TRIM37: variants seen among roughly 807,000 people sequenced by gnomAD.
TRIM37 encodes E3 ubiquitin-protein ligase TRIM37.
A neutral mutation model predicts 129.8 loss-of-function variants in TRIM37; 80 were observed. The ratio of observed to expected loss-of-function variants is 0.62; its 90% CI spans 0.51 to 0.74. TRIM37 has a LOEUF of 0.74. Ranked by LOEUF, TRIM37 falls within the 30% of genes least tolerant of loss-of-function variation. The pLI, the probability that TRIM37 is intolerant of heterozygous loss-of-function variation, is 0.00. For synonymous variants in TRIM37, 389 were observed against 387.1 expected (o/e 1.00, Z -0.06); for missense variants, 1,054 against 1,176.5 (o/e 0.90, Z 1.52).
At chr17:59,102,790 G>A (rs1363377137) in intron 2 of TRIM37, among the ~76,000 whole-genome samples, 2 of 152,114 alleles carry the variant, frequency 1.3e-5, no homozygotes, top group African/African-American at 4.8e-5. Context: ...TGAGCTGTGT[G>A]ACTAGAAAAA....
intron 19 of TRIM37, among the ~76,000 whole-genome samples, chr17:59,022,697 A>G (rs899429211): frequency 1.3e-5 from 2 of 152,194 alleles, no homozygotes; most frequent in Non-Finnish European, 2.9e-5. Flanking sequence ...ACACTTAGTA[A>G]ATGTTAGCCA....
chr17:58,992,255 A>ATATAAATATAAATATATATATATT (rs1567915158), intron 24 of TRIM37, among the ~76,000 whole-genome samples: 1 of 145,608 alleles, frequency 6.9e-6, no homozygotes, highest in Non-Finnish European at 1.5e-5. Flanking sequence ...TGATATATAT[A>ATATAAATATAAATATATATATATT]TATATAAATA....
At chr17:59,026,284 G>A (rs1195499665) in intron 19 of TRIM37, among the ~76,000 whole-genome samples, 1 of 152,124 alleles carries the variant, frequency 6.6e-6, no homozygotes, top group Non-Finnish European at 1.5e-5. Flanking sequence ...AAGACTAAAA[G>A]TAAGACTAAA....
intron 2 of TRIM37, among the ~76,000 whole-genome samples, chr17:59,099,400 T>C (rs1237351669): frequency 1.3e-5 from 2 of 152,100 alleles, no homozygotes; most frequent in African/African-American, 4.8e-5. Context: ...TTTTTTCTTT[T>C]TTTTTAATGG....
At chr17:59,076,580 C>T (rs1448328423) in intron 7 of TRIM37, among the ~76,000 whole-genome samples, 1 of 152,052 alleles carries the variant, frequency 6.6e-6, no homozygotes, top group Non-Finnish European at 1.5e-5. Flanking sequence ...ATTATAATTA[C>T]AGAAATTATC....
intron 4 of TRIM37, among the ~76,000 whole-genome samples, chr17:59,085,763 T>G (rs2043694354): frequency 6.6e-6 from 1 of 152,174 alleles, no homozygotes; most frequent in Admixed American, 6.6e-5. Context: ...GCAGCATTAT[T>G]CACTACAGCC....
intron 12 of TRIM37, among the ~76,000 whole-genome samples, chr17:59,060,364 G>A (rs1599259827): frequency 6.6e-6 from 1 of 150,980 alleles, no homozygotes; most frequent in Non-Finnish European, 1.5e-5. Context: ...AGGAAAATGG[G>A]TAGATCTCAT....
rs1028864673 is a variant in TRIM37, at chr17:59,028,339, T to C, written c.2257+76A>G. ...CACTGGAAGAGTGGTATTTAAATAT[T>C]ATTCTTTTGAAAAAACCAGTCATCT... On this transcript the variant is annotated intron_variant, in intron 19 of 23. Coordinates refer to ENST00000262294, the MANE Select transcript of TRIM37 (RefSeq NM_015294.6). 6 of 1,389,744 alleles carry C rather than the reference T, an allele frequency of 4.3e-6. No homozygotes were observed. The East Asian group carries it at 1.4e-4, about 33-fold the overall frequency. 86.1% of individuals were successfully genotyped at this position (1,389,744 alleles called of 1,614,324 possible).
At chr17:59,062,785 A>G (rs1334531778) in intron 10 of TRIM37, 137 bp from the exon 11 acceptor site, 5 of 716,270 alleles carry the variant, frequency 7.0e-6, no homozygotes, top group Non-Finnish European at 1.2e-5. Flanking sequence ...GAACAGGTCA[A>G]AATTCCACTG....
chr17:59,079,723 A>G, intron 7 of TRIM37, 31 bp downstream of exon 7: 1 of 1,613,214 alleles, frequency 6.2e-7, no homozygotes, highest in Non-Finnish European at 8.5e-7. Context: ...TGAAAGCACC[A>G]GGTACCCCAG....
intron 7 of TRIM37, among the ~76,000 whole-genome samples, chr17:59,077,493 T>C (rs1283044959): frequency 6.6e-6 from 1 of 152,088 alleles, no homozygotes; most frequent in Non-Finnish European, 1.5e-5. Flanking sequence ...ATGGACAACA[T>C]TACAATACAT....
chr17:59,066,683 TTACATATG>T (rs753864725), intron 9 of TRIM37, among the ~76,000 whole-genome samples: 6 of 152,192 alleles, frequency 3.9e-5, no homozygotes, highest in Non-Finnish European at 8.8e-5. Context: ...TGATATACTT[TTACATATG>T]TACATTCTCC....
chr17:58,979,851 T>C, downstream of TRIM37: 2 of 748,638 alleles, frequency 2.7e-6, no homozygotes, highest in Non-Finnish European at 2.1e-6. Flanking sequence ...TATAAATTCT[T>C]TCCAGTCAAG....
At chr17:59,010,944 G>A (rs561976221) in intron 22 of TRIM37, among the ~76,000 whole-genome samples, 2 of 152,194 alleles carry the variant, frequency 1.3e-5, no homozygotes, top group Admixed American at 6.5e-5. Context: ...GCTGAGGCGA[G>A]TGGTTCACGA....
chr17:59,056,771 G>C, intron 13 of TRIM37, 104 bp downstream of exon 13: 2 of 439,162 alleles, frequency 4.6e-6, no homozygotes, highest in East Asian at 6.9e-5. Flanking sequence ...TAGTTAGTAT[G>C]AATTTCAATA....
chr17:59,049,596 C>T (rs1026399116), intron 14 of TRIM37, among the ~76,000 whole-genome samples: 1 of 152,198 alleles, frequency 6.6e-6, no homozygotes, highest in African/African-American at 2.4e-5. Flanking sequence ...TGGGCTCAAA[C>T]GATCCTACTG....
At chr17:58,988,002 T>C (rs2031977605) in intron 24 of TRIM37, among the ~76,000 whole-genome samples, 1 of 152,224 alleles carries the variant, frequency 6.6e-6, no homozygotes, top group Admixed American at 6.5e-5. Context: ...GGACATTTTT[T>C]CGAATCCATT....
chr17:59,079,735 A>G lies in TRIM37; in HGVS notation c.616+19T>C. ...AGCTGAAAGCACCAGGTACCCCAGCAGCATACATAAACACTTACCCATCAG... is the reference window on the plus strand; with the variant it reads ...AGCTGAAAGCACCAGGTACCCCAGCGGCATACATAAACACTTACCCATCAG... On this transcript the variant is annotated intron_variant, in intron 7 of 23. Transcript: ENST00000262294. The G allele has an allele frequency of 1.9e-6, 3 of 1,613,732 alleles. No homozygotes were observed. Among genetic ancestry groups the G allele is most frequent in the South Asian group, 1.1e-5 (1 of 91,080 alleles).
intron 5 of TRIM37, 66 bp from the exon 6 acceptor site, chr17:59,081,285 A>G: frequency 6.3e-7 from 1 of 1,586,324 alleles, no homozygotes; most frequent in Non-Finnish European, 8.6e-7. Context: ...TTCCTTTGTA[A>G]CACTCTATGG....
Sources: gnomAD v4.1 joint callset for allele counts (sites outside exome capture counted in the v4.1 genomes callset) on GRCh38, gnomAD v4.1.1 for gene constraint, MANE v1.5 for transcripts, NCBI Gene and HGNC (gene_info 2026-07-23, HGNC 2026-07-21) for gene names.